The following CCDC171 variants were observed in gnomAD, a reference collection of about 807,000 sequenced individuals.
CCDC171 encodes the protein coiled-coil domain containing 171.
A neutral mutation model predicts 168.2 loss-of-function variants in CCDC171; 177 were observed. The ratio of observed to expected loss-of-function variants is 1.05; its 90% confidence interval spans 0.93 to 1.19. The LOEUF is 1.19. CCDC171 is among the 50% of genes most tolerant of loss of function. CCDC171 has a pLI of 0.00. For missense variants in CCDC171, 1,991 were observed against 1,539.0 expected (o/e 1.29, Z -4.91); for synonymous variants, 687 against 540.8 (o/e 1.27, Z -3.75).
chr9:15,597,833 G>A (rs1412279697), intron 6 of CCDC171, among the ~76,000 whole-genome samples: 1 of 152,060 alleles, frequency 6.6e-6, no homozygotes, highest in Non-Finnish European at 1.5e-5. Context: ...GCCTGTTATT[G>A]GTTTACTCAG....
At chr9:15,970,080 A>G (rs986579048) in intron 25 of CCDC171, among the ~76,000 whole-genome samples, 1 of 152,224 alleles carries the variant, frequency 6.6e-6, no homozygotes, top group East Asian at 1.9e-4. Context: ...AACTTCCAGT[A>G]TAAAAAGAGA....
intron 7 of CCDC171, among the ~76,000 whole-genome samples, chr9:15,654,171 A>G (rs1012537865): frequency 6.6e-6 from 1 of 152,132 alleles, no homozygotes; most frequent in African/African-American, 2.4e-5. Context: ...TGAGACCCAA[A>G]AGGATCATAT....
intron 25 of CCDC171, among the ~76,000 whole-genome samples, chr9:15,957,506 CT>C (rs1326785499): frequency 6.6e-6 from 1 of 152,114 alleles, no homozygotes; most frequent in Non-Finnish European, 1.5e-5. Flanking sequence ...CTGTTTCCCC[CT>C]AACTGTCCTG....
At chr9:15,856,700 C>G (rs2061360537) in intron 23 of CCDC171, among the ~76,000 whole-genome samples, 1 of 151,934 alleles carries the variant, frequency 6.6e-6, no homozygotes, top group Non-Finnish European at 1.5e-5. Context: ...ATTCTTATTG[C>G]CCTTCTTTTA....
At chr9:15,977,314 A>G (rs572474252), downstream of CCDC171, among the ~76,000 whole-genome samples, 1 of 152,288 alleles carries the variant, frequency 6.6e-6, no homozygotes, top group East Asian at 1.9e-4. Context: ...GGCAAATTAC[A>G]TTTCCATGGA....
chr9:16,102,355 G>A, the CCDC171 span, among the ~76,000 whole-genome samples: 1 of 152,092 alleles, frequency 6.6e-6, no homozygotes, highest in Non-Finnish European at 1.5e-5. Context: ...AGGATTGCGG[G>A]GGATGAGCTT....
chr9:16,006,840 AT>A, intron 3 of CCDC171, among the ~76,000 whole-genome samples: 1 of 152,144 alleles, frequency 6.6e-6, no homozygotes, highest in South Asian at 2.1e-4. Flanking sequence ...ATTGTTGGAC[AT>A]TTGGGTTGGT....
At chr9:15,622,797 G>A (rs1328341016) in intron 6 of CCDC171, among the ~76,000 whole-genome samples, 1 of 152,196 alleles carries the variant, frequency 6.6e-6, no homozygotes, top group Non-Finnish European at 1.5e-5. Flanking sequence ...CAGCCATCTA[G>A]TGGATGCAAT....
chr9:15,810,429 C>G (rs530017709), intron 21 of CCDC171, among the ~76,000 whole-genome samples: 1 of 113,904 alleles, frequency 8.8e-6, no homozygotes, highest in Non-Finnish European at 1.7e-5. Context: ...TAAATGGGAC[C>G]GGGCGCTGTG....
chr9:15,986,946 A>AG (rs35438394), intron 3 of CCDC171, among the ~76,000 whole-genome samples: 74,865 of 151,824 alleles, frequency 0.49, 19,792 homozygotes, highest in African/African-American at 0.7. Flanking sequence ...GCATTTGTCC[A>AG]GAAAAAAAAC....
chr9:15,931,446 TTCTTTCTTTC>T, intron 25 of CCDC171, among the ~76,000 whole-genome samples: 1 of 139,124 alleles, frequency 7.2e-6, no homozygotes, highest in Admixed American at 7.8e-5. Flanking sequence ...CTTTCTTTCT[TTCTTTCTTTC>T]TTTTTTTTTT....
intron 25 of CCDC171, among the ~76,000 whole-genome samples, chr9:15,941,137 G>C (rs993375914): frequency 6.6e-6 from 1 of 151,948 alleles, no homozygotes; most frequent in South Asian, 2.1e-4. Flanking sequence ...GCAGACTATT[G>C]CAGAGGATTC....
At chr9:15,683,958 G>A (rs1415897524) in intron 10 of CCDC171, among the ~76,000 whole-genome samples, 5 of 152,084 alleles carry the variant, frequency 3.3e-5, no homozygotes, top group African/African-American at 4.8e-5. Flanking sequence ...ATGGAATACT[G>A]ACATCCGTGG....
the CCDC171 span, among the ~76,000 whole-genome samples, chr9:16,069,168 G>A: frequency 6.6e-6 from 1 of 152,186 alleles, no homozygotes; most frequent in African/African-American, 2.4e-5. Flanking sequence ...GACGTAAGGA[G>A]TAAGGTTAAA....
At chr9:15,844,897 G>A (rs534003884) in intron 21 of CCDC171, among the ~76,000 whole-genome samples, 2 of 152,126 alleles carry the variant, frequency 1.3e-5, no homozygotes, top group East Asian at 3.9e-4. Context: ...GTCTGGATAA[G>A]GTTAGAGATA....
chr9:15,653,235 G>C (rs1208555322), intron 7 of CCDC171, among the ~76,000 whole-genome samples: 2 of 152,090 alleles, frequency 1.3e-5, no homozygotes, highest in Non-Finnish European at 2.9e-5. Flanking sequence ...GATTTCCTGG[G>C]CTCAAGTGAT....
intron 11 of CCDC171, among the ~76,000 whole-genome samples, chr9:15,696,451 A>C (rs577082667): frequency 2.0e-5 from 3 of 152,332 alleles, no homozygotes; most frequent in Non-Finnish European, 2.9e-5. Context: ...TCATAATCAT[A>C]ATTTGTTATC....
chr9:15,858,609 T>C (rs968161067), intron 23 of CCDC171, among the ~76,000 whole-genome samples: 2 of 152,068 alleles, frequency 1.3e-5, no homozygotes, highest in Admixed American at 6.6e-5. Context: ...TTTATACTTT[T>C]TAGTGTACAA....
chr9:15,592,223 G>C, intron 5 of CCDC171, among the ~76,000 whole-genome samples: 1 of 151,906 alleles, frequency 6.6e-6, no homozygotes, highest in East Asian at 1.9e-4. Flanking sequence ...CAGCTAGTAG[G>C]GAGGTTGAGG....
Sources: allele counts gnomAD v4.1 joint callset (sites outside exome capture counted in the v4.1 genomes callset), GRCh38; gene constraint gnomAD v4.1.1; transcripts MANE v1.5; gene names NCBI Gene and HGNC (gene_info 2026-07-23, HGNC 2026-07-21).